The following CEP95 variants were observed in gnomAD, a reference collection of about 807,000 sequenced individuals.
CEP95 encodes centrosomal protein of 95 kDa.
In CEP95, 98 loss-of-function variants were observed where a neutral mutation model predicts 111.2. The observed-to-expected ratio is 0.88, with a 90% CI of 0.75 to 1.04. The LOEUF (loss-of-function observed/expected upper bound fraction) is 1.04. Among genes scored for constraint, CEP95 ranks in the 50% least tolerant of loss-of-function variants. CEP95 has a pLI of 0.00. For missense variants in CEP95, 1,027 were observed against 977.2 expected (o/e 1.05, Z -0.68); for synonymous variants, 323 against 327.1 (o/e 0.99, Z 0.14).
Position 64,537,759 on chromosome 17 carries a change from A to G in CEP95, c.2446A>G (p.Ser816Gly), listed in dbSNP as rs1476427620. 3.7e-6 allele frequency: 6 copies of G among 1,601,830 alleles called. No individual in the cohort carries two copies. The highest frequency in any genetic ancestry group is 1.3e-5 in the African/African-American group (1 of 74,734). The change falls in exon 20 of 20, where the codon AGT becomes GGT. Residue 816 changes from serine to glycine, a missense_variant. By Grantham distance (56) the Ser-to-Gly change is moderately conservative (BLOSUM62 0). Transcript: ENST00000556440. Reference sequence around the variant, plus strand: ...GCTTCAGCTGGCTTCCTTTCAGTACAGTAAAAGTCCCTCCCTATGAGGCCA... The same window carrying G: ...GCTTCAGCTGGCTTCCTTTCAGTACGGTAAAAGTCCCTCCCTATGAGGCCA... ...SRLQLASFQY[S>G]KSPSL
intron 4 of CEP95, 162 bp downstream of exon 4, chr17:64,514,520 T>G (rs1253638869): frequency 3.9e-6 from 2 of 509,036 alleles, no homozygotes; most frequent in Non-Finnish European, 7.1e-6. Context: ...TCCAGCTGGT[T>G]GGAAACTGTC....
At chr17:64,524,307 T>G (rs73333926) in intron 8 of CEP95, among the ~76,000 whole-genome samples, 1,577 of 152,220 alleles carry the variant, frequency 0.01, 13 homozygotes, top group Middle Eastern at 0.014. Flanking sequence ...AGTAAAAGGT[T>G]GTTTGTTTTA....
chr17:64,512,005 A>G (rs1389650720), intron 3 of CEP95, among the ~76,000 whole-genome samples: 1 of 152,194 alleles, frequency 6.6e-6, no homozygotes, highest in Non-Finnish European at 1.5e-5. Flanking sequence ...AAACACCTAA[A>G]TGTCCATTAG....
chr17:64,532,786 A>G, intron 14 of CEP95, 53 bp from the exon 15 acceptor site: 1 of 1,562,460 alleles, frequency 6.4e-7, no homozygotes, highest in Non-Finnish European at 8.6e-7. Context: ...GGGATGTTGG[A>G]TGACAGTTCT....
intron 8 of CEP95, among the ~76,000 whole-genome samples, chr17:64,525,400 C>A (rs1387793555): frequency 6.6e-6 from 1 of 151,986 alleles, no homozygotes; most frequent in Non-Finnish European, 1.5e-5. Context: ...TTAACTGTTT[C>A]AATTTTGGAC....
In CEP95 at chr17:64,534,696, T is replaced by A; in HGVS notation, c.2029T>A (p.Leu677Met). The change falls in exon 17 of 20, where the codon TTG (leucine) becomes ATG (methionine). Residue 677 changes from leucine to methionine, a missense_variant. Transcript: ENST00000556440. ...ATATTATGATGATTATAGAGTTCAG[T>A]TGTGTGCAAAAATGATGAGAATGAG... is the stretch of plus-strand genomic sequence containing the variant. Reference protein sequence around the residue: ...RKYYDDYRVQLCAKMMRMRTR... With the variant: ...RKYYDDYRVQMCAKMMRMRTR... The A allele has an allele frequency of 6.2e-7, 1 of 1,613,168 alleles. No individual in the cohort carries two copies. Among genetic ancestry groups the A allele is most frequent in the South Asian group, 1.1e-5 (1 of 90,908 alleles).
Position 64,532,829 on chromosome 17 carries a change from T to C in CEP95, c.1673-10T>C. 6.2e-7 allele frequency: 1 copy of C among 1,603,902 alleles called. No homozygotes were observed. Among genetic ancestry groups the C allele is most frequent in the Non-Finnish European group, 8.5e-7 (1 of 1,177,016 alleles). Reference sequence around the variant, plus strand: ...GTCTCAGATTAAGAACATCTTATTTTACCTTGCAGTGAAAGTAAGTGAACA... The same window carrying C: ...GTCTCAGATTAAGAACATCTTATTTCACCTTGCAGTGAAAGTAAGTGAACA... On this transcript the variant is annotated splice_polypyrimidine_tract_variant and intron_variant, in intron 14 of 19. Transcript: ENST00000556440.
upstream of CEP95, chr17:64,506,806 G>GGACCGTCC (rs1348743603): frequency 8.8e-6 from 5 of 570,788 alleles, no homozygotes; most frequent in African/African-American, 9.4e-5. Context: ...CGGCTGATGT[G>GGACCGTCC]GACCGTCCGA....
At chr17:64,515,997 G>A (rs959429109) in intron 4 of CEP95, 6 of 152,168 alleles carry the variant, frequency 3.9e-5, no homozygotes, top group Non-Finnish European at 7.3e-5. Context: ...CATGGTTGTT[G>A]TGAAAGTTAA....
intron 6 of CEP95, among the ~76,000 whole-genome samples, chr17:64,520,878 C>T (rs2144427064): frequency 6.6e-6 from 1 of 152,260 alleles, no homozygotes; most frequent in East Asian, 1.9e-4. Flanking sequence ...TTGTATGAAA[C>T]TTTGCTTTTA....
intron 19 of CEP95, 139 bp downstream of exon 19, chr17:64,537,251 T>TGTAA: frequency 2.1e-6 from 3 of 1,423,764 alleles, no homozygotes; most frequent in Non-Finnish European, 1.9e-6. Context: ...TCTAGGTTTG[T>TGTAA]GTAAGTACAC....
At chr17:64,516,591 CT>C (rs1181585853) in intron 4 of CEP95, 131 bp from the exon 5 acceptor site, 10 of 474,500 alleles carry the variant, frequency 2.1e-5, no homozygotes, top group Non-Finnish European at 3.8e-5. Flanking sequence ...TCTGATTGCA[CT>C]TTCACTAGAA....
At chr17:64,532,089 G>C (rs782328097) in intron 14 of CEP95, 67 bp downstream of exon 14, 95 of 1,460,616 alleles carry the variant, frequency 6.5e-5, no homozygotes, top group Non-Finnish European at 7.9e-5. Context: ...AACATTCCAA[G>C]GACACAGCAC....
intron 11 of CEP95, among the ~76,000 whole-genome samples, chr17:64,528,972 A>G (rs1251035784): frequency 6.6e-6 from 1 of 152,238 alleles, no homozygotes; most frequent in East Asian, 1.9e-4. Context: ...CGTGGCTCAG[A>G]TAATTTACCT....
At chr17:64,522,369 T>C (rs941017121) in intron 7 of CEP95, among the ~76,000 whole-genome samples, 1 of 151,944 alleles carries the variant, frequency 6.6e-6, no homozygotes, top group Non-Finnish European at 1.5e-5. Flanking sequence ...GGGCCAGTCA[T>C]GGTAGTTCAC....
At chr17:64,519,621 G>A (rs755790879) in intron 6 of CEP95, among the ~76,000 whole-genome samples, 185 bp downstream of exon 6, 1 of 152,202 alleles carries the variant, frequency 6.6e-6, no homozygotes, top group Non-Finnish European at 1.5e-5. Context: ...CATATGGGCA[G>A]ATAAGTCCAA....
At chr17:64,521,106 G>A (rs530377677) in intron 6 of CEP95, among the ~76,000 whole-genome samples, 1 of 152,052 alleles carries the variant, frequency 6.6e-6, no homozygotes, top group African/African-American at 2.4e-5. Context: ...GCATGGTGGC[G>A]GGTGCCTGTA....
intron 16 of CEP95, 22 bp downstream of exon 16, chr17:64,533,213 T>C: frequency 1.9e-6 from 3 of 1,561,074 alleles, no homozygotes; most frequent in Non-Finnish European, 2.6e-6. Flanking sequence ...GCAAGTTGGG[T>C]ATTATAATTC....
Position 64,536,716 on chromosome 17 carries a change from C to G in CEP95, c.2185C>G (p.Leu729Val). Reference sequence around the variant, plus strand: ...ACAAAGGAGACGCCACCAGGATGAACTGGACTCCATGGAGAACTACTATAA... The same window carrying G: ...ACAAAGGAGACGCCACCAGGATGAAGTGGACTCCATGGAGAACTACTATAA... ...DEQRRRHQDE[L>V]DSMENYYKDQ... The change falls in exon 18 of 20, where the codon CTG (leucine) becomes GTG (valine). Residue 729 changes from leucine (L) to valine (V), a missense_variant. Transcript: ENST00000556440. The G allele has an allele frequency of 6.2e-7, 1 of 1,611,710 alleles. No homozygotes were observed. Among genetic ancestry groups the G allele is most frequent in the Non-Finnish European group, 8.5e-7 (1 of 1,179,272 alleles).
Sources: gnomAD v4.1 joint callset for allele counts (sites outside exome capture counted in the v4.1 genomes callset) on GRCh38, gnomAD v4.1.1 for gene constraint, MANE v1.5 for transcripts, NCBI Gene and HGNC (gene_info 2026-07-23, HGNC 2026-07-21) for gene names.